The following RAB38 variants were observed in gnomAD, a reference collection of about 807,000 sequenced individuals.
The protein encoded by RAB38 is ras-related protein Rab-38.
RAB38 carries 15 observed loss-of-function variants against 18.4 expected under a neutral mutation model. That is an observed-to-expected ratio of 0.82 (90% confidence interval 0.55 to 1.26). The LOEUF (loss-of-function observed/expected upper bound fraction) is 1.26. Ranked by LOEUF, RAB38 falls within the 50% of genes most tolerant of loss-of-function variation. The pLI, the probability that RAB38 is intolerant of heterozygous loss-of-function variation, is 0.00. For missense variants in RAB38, 294 were observed against 267.4 expected (o/e 1.10, Z -0.69); for synonymous variants, 101 against 104.4 (o/e 0.97, Z 0.20).
At chr11:88,093,593 A>G in the RAB38 span, among the ~76,000 whole-genome samples, 3 of 151,898 alleles carry the variant, frequency 2.0e-5, no homozygotes, top group African/African-American at 7.2e-5. Flanking sequence ...ACAGTATCCT[A>G]ACTTGTTATT....
chr11:88,075,536 C>T, the RAB38 span, among the ~76,000 whole-genome samples: 8 of 152,116 alleles, frequency 5.3e-5, 1 homozygote, highest in South Asian at 8.3e-4. Flanking sequence ...ATATAGCAAA[C>T]GTAGTACTAA....
At chr11:88,026,090 G>T in the RAB38 span, among the ~76,000 whole-genome samples, 1 of 151,886 alleles carries the variant, frequency 6.6e-6, no homozygotes, top group African/African-American at 2.4e-5. Flanking sequence ...TCAGCCTCCT[G>T]AGTAGCTGGG....
At chr11:88,106,139 C>T in the RAB38 span, among the ~76,000 whole-genome samples, 3 of 152,150 alleles carry the variant, frequency 2.0e-5, no homozygotes, top group African/African-American at 7.2e-5. Flanking sequence ...AGAGCAGAGA[C>T]CCGTGACTTT....
At chr11:87,840,219 T>C in the RAB38 span, among the ~76,000 whole-genome samples, 1 of 152,322 alleles carries the variant, frequency 6.6e-6, no homozygotes, top group African/African-American at 2.4e-5. Flanking sequence ...TGAAAATTAA[T>C]GTCACTGCCA....
chr11:88,122,719 A>G (rs1404920035), intron 2 of RAB38, among the ~76,000 whole-genome samples: 1 of 152,222 alleles, frequency 6.6e-6, no homozygotes, highest in Non-Finnish European at 1.5e-5. Flanking sequence ...GACTTATTCA[A>G]CTCAAAGTGT....
the RAB38 span, among the ~76,000 whole-genome samples, chr11:87,890,409 T>C: frequency 6.6e-6 from 1 of 151,876 alleles, no homozygotes; most frequent in Admixed American, 6.6e-5. Context: ...TTCTGCTGCT[T>C]AAGTATCCCA....
At chr11:88,100,223 C>G in the RAB38 span, 29 of 151,994 alleles carry the variant, frequency 1.9e-4, no homozygotes, top group African/African-American at 6.7e-4. Flanking sequence ...AAAGTCACCC[C>G]CGCCTGTTAA....
At chr11:87,947,983 G>A in the RAB38 span, among the ~76,000 whole-genome samples, 3 of 152,126 alleles carry the variant, frequency 2.0e-5, no homozygotes, top group South Asian at 4.1e-4. Flanking sequence ...AATTACCTTG[G>A]GCAGTATGGC....
intron 1 of RAB38, chr11:88,167,270 G>C (rs993514700): frequency 6.6e-6 from 1 of 152,106 alleles, no homozygotes; most frequent in Non-Finnish European, 1.5e-5. Context: ...GGTATACTGG[G>C]GCCACTGTAA....
At chr11:88,089,373 A>G in the RAB38 span, among the ~76,000 whole-genome samples, 2 of 151,406 alleles carry the variant, frequency 1.3e-5, no homozygotes, top group East Asian at 2.0e-4. Flanking sequence ...GGCTCATAGG[A>G]GTCTGAGGTT....
At chr11:87,840,758 T>C in the RAB38 span, among the ~76,000 whole-genome samples, 2 of 152,334 alleles carry the variant, frequency 1.3e-5, no homozygotes, top group Admixed American at 6.5e-5. Flanking sequence ...GTAAGACATA[T>C]AGAAATCTGA....
chr11:88,111,861 C>T (rs1158980782), downstream of RAB38, among the ~76,000 whole-genome samples: 2 of 152,158 alleles, frequency 1.3e-5, no homozygotes, highest in African/African-American at 2.4e-5. Context: ...GCAGATTCTC[C>T]GGCCTTTCAA....
chr11:87,841,873 G>A, the RAB38 span, among the ~76,000 whole-genome samples: 1 of 152,178 alleles, frequency 6.6e-6, no homozygotes, highest in Non-Finnish European at 1.5e-5. Flanking sequence ...CCTGTTTTCT[G>A]TTAAGGGACA....
At chr11:87,945,688 G>A in the RAB38 span, among the ~76,000 whole-genome samples, 1 of 152,254 alleles carries the variant, frequency 6.6e-6, no homozygotes, top group Non-Finnish European at 1.5e-5. Flanking sequence ...ACCAGCATAA[G>A]CTGATCATAT....
the RAB38 span, among the ~76,000 whole-genome samples, chr11:88,069,584 C>T: frequency 3.3e-5 from 5 of 152,220 alleles, no homozygotes; most frequent in Non-Finnish European, 7.3e-5. Context: ...CACTCTGTGT[C>T]TAGCTCAGGG....
chr11:88,155,435 C>T (rs1271846187), intron 1 of RAB38, among the ~76,000 whole-genome samples: 1 of 151,388 alleles, frequency 6.6e-6, no homozygotes. Flanking sequence ...CATAAGGCTA[C>T]AGAAGCAAAA....
the RAB38 span, among the ~76,000 whole-genome samples, chr11:88,032,004 A>G: frequency 6.6e-6 from 1 of 150,874 alleles, no homozygotes. Flanking sequence ...AGTAACCAAA[A>G]CAGCATGGTA....
chr11:87,962,189 G>A, the RAB38 span, among the ~76,000 whole-genome samples: 1 of 151,998 alleles, frequency 6.6e-6, no homozygotes, highest in East Asian at 1.9e-4. Context: ...CCGAAAGAAG[G>A]CATCTTGGTG....
the RAB38 span, among the ~76,000 whole-genome samples, chr11:87,840,051 C>G: frequency 6.6e-6 from 1 of 151,996 alleles, no homozygotes; most frequent in East Asian, 1.9e-4. Flanking sequence ...GGGCCTTAGG[C>G]AACAGGAAAA....
Sources: allele counts gnomAD v4.1 joint callset (sites outside exome capture counted in the v4.1 genomes callset), GRCh38; gene constraint gnomAD v4.1.1; transcripts MANE v1.5; gene names NCBI Gene and HGNC (gene_info 2026-07-23, HGNC 2026-07-21).